NPAS2: variants seen among roughly 807,000 people sequenced by gnomAD.
The protein encoded by NPAS2 is neuronal PAS domain-containing protein 2.
Under a neutral mutation model 107.5 loss-of-function variants are expected in NPAS2, and 23 were observed. That is an observed-to-expected ratio of 0.21 (90% confidence interval 0.15 to 0.30). The LOEUF (loss-of-function observed/expected upper bound fraction) is 0.30. NPAS2 is among the 10% of genes least tolerant of loss of function. NPAS2 has a pLI of 1.00. For missense variants in NPAS2, 756 were observed against 1,043.3 expected (o/e 0.72, Z 3.79); for synonymous variants, 403 against 417.5 (o/e 0.97, Z 0.42).
intron 11 of NPAS2, among the ~76,000 whole-genome samples, chr2:100,969,450 G>A (rs1044241786): frequency 8.5e-5 from 13 of 152,098 alleles, no homozygotes; most frequent in East Asian, 3.9e-4. Context: ...GAGAACATGC[G>A]GTGTTTGGTT....
upstream of NPAS2, among the ~76,000 whole-genome samples, chr2:100,819,307 G>A (rs1186693284): frequency 6.6e-6 from 1 of 152,068 alleles, no homozygotes; most frequent in East Asian, 1.9e-4. This position sits in a 1 kb window ranked among gnomAD's most constrained non-coding sequence, Gnocchi z 5.8. Flanking sequence ...CACACCCCAC[G>A]TGCCCCTGCC....
chr2:100,852,192 C>G (rs369096333), intron 1 of NPAS2, among the ~76,000 whole-genome samples: 62 of 152,044 alleles, frequency 4.1e-4, no homozygotes, highest in East Asian at 2.3e-3. Flanking sequence ...GTCAGGAGAT[C>G]AAGACCATCC....
intron 1 of NPAS2, among the ~76,000 whole-genome samples, chr2:100,821,821 A>C (rs1324072258): frequency 1.3e-5 from 2 of 152,204 alleles, no homozygotes; most frequent in African/African-American, 4.8e-5. Context: ...CCAAATAAAT[A>C]GTGTAATGTT....
intron 1 of NPAS2, chr2:100,878,487 CAAG>C (rs1680126101): frequency 1.0e-6 from 1 of 985,384 alleles, no homozygotes; most frequent in South Asian, 4.7e-5. Context: ...GACATTGAAG[CAAG>C]AAGAAAAGGC....
chr2:100,873,066 G>A (rs1679675248), intron 1 of NPAS2, among the ~76,000 whole-genome samples: 1 of 151,440 alleles, frequency 6.6e-6, no homozygotes, highest in African/African-American at 2.4e-5. Flanking sequence ...ACTTTGGGAG[G>A]CTGGGGTGGG....
In NPAS2 at chr2:100,968,426, C is replaced by G; in HGVS notation, c.1053C>G (p.Val351=). 3 of 1,613,836 alleles carry G rather than the reference C, an allele frequency of 1.9e-6. No homozygotes were observed. The highest frequency in any genetic ancestry group is 8.5e-7 in the Non-Finnish European group (1 of 1,179,856). The change falls in exon 11 of 21, where the codon GTC becomes GTG. Residue 351 remains valine (V), a splice_region_variant and synonymous_variant. Coordinates refer to ENST00000335681, the MANE Select transcript of NPAS2 (RefSeq NM_002518.4). This position sits in a 1 kb window ranked among gnomAD's most constrained non-coding sequence, Gnocchi z 5.3. The part of the protein sequence containing the change: ...PEFIVCTHSV[V]SYADVRVERR... Reference sequence around the variant, plus strand: ...TCATCGTGTGCACACACTCGGTGGTCAGGTACCGCGCACGGGCAGGGGTGC... The same window carrying G: ...TCATCGTGTGCACACACTCGGTGGTGAGGTACCGCGCACGGGCAGGGGTGC...
intron 1 of NPAS2, among the ~76,000 whole-genome samples, chr2:100,885,735 T>G (rs962629566): frequency 3.3e-5 from 5 of 152,316 alleles, no homozygotes; most frequent in Middle Eastern, 3.4e-3. Context: ...CATGCAATGG[T>G]GTGATCTTAG....
intron 1 of NPAS2, among the ~76,000 whole-genome samples, chr2:100,839,856 G>A (rs1339185423): frequency 1.3e-5 from 2 of 152,102 alleles, no homozygotes; most frequent in African/African-American, 4.8e-5. Flanking sequence ...CACTTTTGAA[G>A]TCCATCTTCT....
intron 1 of NPAS2, among the ~76,000 whole-genome samples, chr2:100,840,277 G>A (rs922053785): frequency 2.0e-5 from 3 of 152,250 alleles, no homozygotes; most frequent in African/African-American, 4.8e-5. Context: ...ACAGTTCCAA[G>A]GTTACCGGTG....
intron 2 of NPAS2, among the ~76,000 whole-genome samples, chr2:100,911,730 C>G (rs924451213): frequency 6.6e-6 from 1 of 152,132 alleles, no homozygotes; most frequent in African/African-American, 2.4e-5. Context: ...CTCCCGGGTT[C>G]AAGCCATCCT....
chr2:100,830,566 T>C (rs1676670299), intron 1 of NPAS2, among the ~76,000 whole-genome samples: 1 of 149,194 alleles, frequency 6.7e-6, no homozygotes, highest in African/African-American at 2.5e-5. Context: ...AGTGAGAACA[T>C]GCGGTGTTTG....
intron 15 of NPAS2, 37 bp from the exon 16 acceptor site, chr2:100,982,194 C>A: frequency 6.2e-7 from 1 of 1,612,920 alleles, no homozygotes; most frequent in African/African-American, 1.3e-5. Flanking sequence ...TGAAATAACT[C>A]TTTCATCTGA....
At chr2:100,879,502 C>T (rs561163534) in intron 1 of NPAS2, among the ~76,000 whole-genome samples, 1 of 152,166 alleles carries the variant, frequency 6.6e-6, no homozygotes, top group African/African-American at 2.4e-5. Flanking sequence ...TCTCTCCCTT[C>T]CTTCCATCCG....
chr2:100,825,163 G>A (rs1676297618), intron 1 of NPAS2, among the ~76,000 whole-genome samples: 1 of 152,206 alleles, frequency 6.6e-6, no homozygotes, highest in Non-Finnish European at 1.5e-5. Context: ...GACAGGTGAC[G>A]AGGTGACAGA....
At chr2:100,877,413 C>G (rs1489973901) in intron 1 of NPAS2, among the ~76,000 whole-genome samples, 1 of 119,304 alleles carries the variant, frequency 8.4e-6, no homozygotes, top group Non-Finnish European at 1.6e-5. Context: ...TGCAGTGAGC[C>G]GAGATCGCGC....
Position 100,936,908 on chromosome 2 carries a change from G to A in NPAS2, c.274-845G>A, listed in dbSNP as rs1684338184. Among the ~76,000 whole-genome samples the A allele has an allele frequency of 2.7e-5, 4 of 150,678 alleles. No homozygotes were observed. The Admixed American group carries it at 2.7e-4, about 10-fold the overall frequency. ...GAAGCAGGAGAATCGCTTGAACCTG[G>A]GAAGCAGAGGTGGCAGTGAGCCGAG... On this transcript the variant is annotated intron_variant, in intron 4 of 20. Coordinates refer to ENST00000335681, the MANE Select transcript of NPAS2 (RefSeq NM_002518.4).
At chr2:100,989,533 AAGAATG>A (rs2105315188) in intron 17 of NPAS2, 1 of 152,382 alleles carries the variant, frequency 6.6e-6, no homozygotes, top group East Asian at 1.9e-4. Flanking sequence ...TGTAAAAACT[AAGAATG>A]AGAGCACTGT....
At chr2:100,870,850 C>T (rs1034776149) in intron 1 of NPAS2, among the ~76,000 whole-genome samples, 1 of 152,212 alleles carries the variant, frequency 6.6e-6, no homozygotes, top group African/African-American at 2.4e-5. Context: ...GCTTCAGTCC[C>T]ATCTAGGTGA....
At chr2:100,950,289 AAAAAT>A (rs1205700867) in intron 7 of NPAS2, among the ~76,000 whole-genome samples, 7 of 152,244 alleles carry the variant, frequency 4.6e-5, no homozygotes, top group Admixed American at 1.3e-4. Context: ...AAGATGGAAA[AAAAAT>A]AAAATAAAGC....
Sources: gnomAD v4.1 joint callset for allele counts (sites outside exome capture counted in the v4.1 genomes callset) on GRCh38, gnomAD v4.1.1 for gene constraint, Gnocchi (gnomAD v3.1) non-coding constraint, MANE v1.5 for transcripts, NCBI Gene and HGNC (gene_info 2026-07-23, HGNC 2026-07-21) for gene names.